The following ERCC6 variants were observed in gnomAD, a reference collection of about 807,000 sequenced individuals.
ERCC6 encodes ERCC excision repair 6, chromatin remodeling factor, also known as DNA excision repair protein ERCC-6.
A neutral mutation model predicts 158.7 loss-of-function variants in ERCC6; 116 were observed. The ratio of observed to expected loss-of-function variants is 0.73; its 90% CI spans 0.63 to 0.85. The LOEUF is 0.85. Ranked by LOEUF, ERCC6 falls within the 40% of genes least tolerant of loss-of-function variation. The pLI, the probability that ERCC6 is intolerant of heterozygous loss-of-function variation, is 0.00. For synonymous variants in ERCC6, 678 were observed against 659.3 expected, an observed-to-expected ratio of 1.03 and a Z score of -0.43; for missense variants, 1,698 against 1,799.4, an observed-to-expected ratio of 0.94 and a Z score of 1.02.
At chr10:49,440,792 G>A in the ERCC6 span, among the ~76,000 whole-genome samples, 34 of 152,110 alleles carry the variant, frequency 2.2e-4, no homozygotes, top group African/African-American at 5.1e-4. Context: ...GCAGCCAGGC[G>A]GGGGTTACAG....
At position 49,488,187 on chromosome 10, in the gene ERCC6, G is replaced by A. The variant is rs777682190; in HGVS notation, c.1822-4671C>T. The A allele has an allele frequency of 1.8e-5, 4 of 216,456 alleles. No individual in the cohort carries two copies. In the East Asian group the frequency reaches 3.3e-4, roughly 18 times the overall value. The allele number at this position is 216,456 out of a possible 1,614,324, so 13.4% of individuals were successfully genotyped here. ...TGCAGTGCTGTTGTCATTAGAAGATGTCTGTGAAAGGGCTGCTGTTATTAT... is the reference window on the plus strand; with the variant it reads ...TGCAGTGCTGTTGTCATTAGAAGATATCTGTGAAAGGGCTGCTGTTATTAT... On this transcript the variant is annotated intron_variant, in intron 8 of 20. Transcript: ENST00000355832.
rs868296197 is a variant in ERCC6, at chr10:49,469,772, A to G, written c.3778+410T>C. On this transcript the variant is annotated intron_variant, in intron 18 of 20. Transcript: ENST00000355832. ...CTTTTCTCCCTTGACATAAGCTATC[A>G]GCTTTCATACTTCTAGAATGTCTGT... is the stretch of plus-strand genomic sequence containing the variant. Among the ~76,000 whole-genome samples, 4 of 152,334 alleles carry G rather than the reference A, an allele frequency of 2.6e-5. No homozygotes were observed. In the Middle Eastern group the frequency reaches 0.01, roughly 389 times the overall value.
chr10:49,474,286 A>G (rs1324127389), intron 12 of ERCC6, 44 bp from the exon 13 acceptor site: 1 of 1,487,348 alleles, frequency 6.7e-7, no homozygotes, highest in Admixed American at 1.7e-5. Flanking sequence ...GACCCCATGT[A>G]AAGTAAGATT....
chr10:49,466,300 C>T (rs1179576525), intron 18 of ERCC6, among the ~76,000 whole-genome samples: 1 of 152,076 alleles, frequency 6.6e-6, no homozygotes, highest in Non-Finnish European at 1.5e-5. Flanking sequence ...CTGTTTCTTG[C>T]CATAGTTCAG....
chr10:49,497,249 A>G (rs932151957), intron 7 of ERCC6, among the ~76,000 whole-genome samples: 12 of 152,280 alleles, frequency 7.9e-5, no homozygotes, highest in African/African-American at 2.7e-4. Flanking sequence ...AAAGGATTAA[A>G]TGCACCAGCT....
chr10:49,537,895 C>T (rs56799380), intron 1 of ERCC6, among the ~76,000 whole-genome samples: 1 of 152,030 alleles, frequency 6.6e-6, no homozygotes, highest in Non-Finnish European at 1.5e-5. Flanking sequence ...GCTAATTTTT[C>T]GTATTTAGTA....
In ERCC6 at chr10:49,456,286, A is replaced by AT. The variant is rs1280851249; in HGVS notation, c.*2528dup. 3.9e-5 allele frequency: 6 copies of AT among 152,302 alleles called. No homozygotes were observed. Among genetic ancestry groups the AT allele is most frequent in the African/African-American group, 1.4e-4 (6 of 41,552 alleles). 9.4% of individuals were successfully genotyped at this position (152,302 alleles called of 1,614,324 possible). On this transcript the variant is annotated 3_prime_UTR_variant, in exon 21 of 21. Transcript: ENST00000355832. The stretch of plus-strand genomic sequence containing the variant: ...ATGCCAGGTCACTACTGAAGCTCCC[A>AT]TTGGCCTCCCAGCCAGCAAGAAAGG...
chr10:49,447,668 C>A, the ERCC6 span, among the ~76,000 whole-genome samples: 1 of 151,442 alleles, frequency 6.6e-6, no homozygotes. Flanking sequence ...CGTGCCACTG[C>A]ACTCCAGCCT....
Position 49,470,199 on chromosome 10 carries a change from T to C in ERCC6, c.3761A>G (p.Lys1254Arg), listed in dbSNP as rs1850747818. 6.2e-7 allele frequency: 1 copy of C among 1,614,176 alleles called. No homozygotes were observed. Among genetic ancestry groups the C allele is most frequent in the East Asian group, 2.2e-5 (1 of 44,884 alleles). ...TGGATTACCTGATTTTTTGAAAAGC[T>C]TTTCCAAAACATAATCGTCATTGCT... ...EQSNDDYVLE[K>R]LFKKSVGVHS... is the part of the protein sequence containing the mutation. Residue 1254 changes from lysine (K) to arginine (R), a missense_variant, in exon 18 of 21, where the codon AAG (lysine) becomes AGG (arginine). Transcript: ENST00000355832.
chr10:49,493,890 T>C (rs923222036), intron 7 of ERCC6, among the ~76,000 whole-genome samples: 2 of 152,094 alleles, frequency 1.3e-5, no homozygotes, highest in African/African-American at 2.4e-5. Context: ...TCCGAGCGAG[T>C]GTTCTCTCCT....
intron 3 of ERCC6, among the ~76,000 whole-genome samples, chr10:49,529,160 G>C (rs920499083): frequency 6.6e-6 from 1 of 152,186 alleles, no homozygotes; most frequent in Non-Finnish European, 1.5e-5. Context: ...CACTGGGGAG[G>C]CCCAATGAAC....
At chr10:49,474,389 T>A (rs2132542229) in intron 12 of ERCC6, 147 bp from the exon 13 acceptor site, 1 of 680,626 alleles carries the variant, frequency 1.5e-6, no homozygotes, top group East Asian at 2.7e-5. Context: ...AGCATTATCA[T>A]GAGCTGGGAG....
chr10:49,531,202 A>G (rs1275902425), intron 2 of ERCC6, among the ~76,000 whole-genome samples: 2 of 152,202 alleles, frequency 1.3e-5, no homozygotes, highest in African/African-American at 4.8e-5. Context: ...GGGTTTTTTA[A>G]GCCCGTTACG....
At chr10:49,460,251 A>G in intron 20 of ERCC6, 122 bp downstream of exon 20, 1 of 745,088 alleles carries the variant, frequency 1.3e-6, no homozygotes, top group African/African-American at 1.7e-5. Context: ...CGTGCAACAC[A>G]AATATCAGGT....
the ERCC6 span, among the ~76,000 whole-genome samples, chr10:49,446,227 TCACA>T: frequency 2.5e-3 from 228 of 92,064 alleles, 2 homozygotes; most frequent in African/African-American, 0.01. Flanking sequence ...CACAAAAACG[TCACA>T]CACACACACA....
chr10:49,450,793 C>T (rs1850410669), downstream of ERCC6, among the ~76,000 whole-genome samples: 1 of 151,032 alleles, frequency 6.6e-6, no homozygotes, highest in South Asian at 2.1e-4. Flanking sequence ...TTTGATTATT[C>T]ATTGCAAGTG....
intron 5 of ERCC6, among the ~76,000 whole-genome samples, chr10:49,520,957 T>A (rs956576918): frequency 2.0e-5 from 3 of 152,220 alleles, no homozygotes; most frequent in Non-Finnish European, 4.4e-5. Flanking sequence ...CATATTAATA[T>A]ATCTGAGCCA....
intron 5 of ERCC6, among the ~76,000 whole-genome samples, chr10:49,507,636 C>A (rs1038980460): frequency 3.9e-5 from 6 of 152,118 alleles, no homozygotes; most frequent in African/African-American, 7.2e-5. Flanking sequence ...GTACAACAAT[C>A]GTTCTTGACA....
At chr10:49,512,353 A>T (rs897875275) in intron 5 of ERCC6, among the ~76,000 whole-genome samples, 1 of 152,186 alleles carries the variant, frequency 6.6e-6, no homozygotes, top group African/African-American at 2.4e-5. Context: ...CCATACTGCA[A>T]TCCTGACCTA....
Sources: allele counts gnomAD v4.1 joint callset (sites outside exome capture counted in the v4.1 genomes callset), GRCh38; gene constraint gnomAD v4.1.1; transcripts MANE v1.5; gene names NCBI Gene and HGNC (gene_info 2026-07-23, HGNC 2026-07-21).